TCF7L2: variants seen among roughly 807,000 people sequenced by gnomAD.
TCF7L2 encodes the protein transcription factor 7-like 2.
Under a neutral mutation model 77.9 loss-of-function variants are expected in TCF7L2, and 23 were observed. The observed-to-expected ratio is 0.30, with a 90% CI of 0.21 to 0.42. The LOEUF (loss-of-function observed/expected upper bound fraction) is 0.42. Ranked by LOEUF, TCF7L2 falls within the 10% of genes least tolerant of loss-of-function variation. The probability of loss-of-function intolerance (pLI) is 1.00; values close to 1 mark genes in which losing one functional copy is unlikely to be tolerated. For missense variants in TCF7L2, 654 were observed against 793.1 expected (o/e 0.82, Z 2.11); for synonymous variants, 413 against 340.2 (o/e 1.21, Z -2.36).
chr10:113,095,424 A>G (rs1004675369), intron 5 of TCF7L2, among the ~76,000 whole-genome samples: 4 of 152,226 alleles, frequency 2.6e-5, no homozygotes, highest in South Asian at 4.2e-4. Flanking sequence ...CTATCTGCCA[A>G]TATTTTTTTG....
chr10:113,081,014 C>T (rs2059268520), intron 5 of TCF7L2, among the ~76,000 whole-genome samples: 1 of 152,098 alleles, frequency 6.6e-6, no homozygotes, highest in Non-Finnish European at 1.5e-5. Context: ...CATTTTAAAA[C>T]ATTTGATTCC....
At chr10:113,161,483 C>A in intron 13 of TCF7L2, 1 of 1,361,984 alleles carries the variant, frequency 7.3e-7, no homozygotes, top group Non-Finnish European at 1.0e-6. Flanking sequence ...GTACTTCCTT[C>A]TTGGTGGAGG....
intron 5 of TCF7L2, among the ~76,000 whole-genome samples, chr10:113,092,212 C>T (rs1399670811): frequency 6.6e-6 from 1 of 152,194 alleles, no homozygotes; most frequent in Non-Finnish European, 1.5e-5. Flanking sequence ...GTCCTCAGAA[C>T]CCAGAAGCAT....
intron 4 of TCF7L2, among the ~76,000 whole-genome samples, chr10:112,998,672 A>G (rs779074039): frequency 6.6e-6 from 1 of 152,176 alleles, no homozygotes; most frequent in Non-Finnish European, 1.5e-5. Context: ...TAACTTAGTC[A>G]ATGTCAGATA....
chr10:113,057,831 GCT>G, intron 5 of TCF7L2, among the ~76,000 whole-genome samples: 2 of 152,258 alleles, frequency 1.3e-5, no homozygotes, highest in Admixed American at 6.5e-5. Context: ...TATTTTCTGT[GCT>G]CTCTGTCGGC....
chr10:113,036,111 AT>A (rs1192845673), intron 4 of TCF7L2, among the ~76,000 whole-genome samples: 27 of 111,990 alleles, frequency 2.4e-4, no homozygotes, highest in East Asian at 1.4e-3. Context: ...CATCATCATC[AT>A]CACCATCATC....
intron 4 of TCF7L2, among the ~76,000 whole-genome samples, chr10:112,993,666 C>T (rs747751414): frequency 5.3e-5 from 8 of 152,174 alleles, no homozygotes; most frequent in Non-Finnish European, 8.8e-5. Context: ...CAGTGTTGGA[C>T]GATGAATCCC....
chr10:113,144,217 G>A (rs541312210), intron 7 of TCF7L2, among the ~76,000 whole-genome samples, 192 bp downstream of exon 7: 1 of 152,010 alleles, frequency 6.6e-6, no homozygotes, highest in African/African-American at 2.4e-5. Flanking sequence ...TGTCCTGTGG[G>A]AATACAGGCA....
At chr10:112,967,161 T>A (rs956381838) in intron 4 of TCF7L2, among the ~76,000 whole-genome samples, 4 of 152,240 alleles carry the variant, frequency 2.6e-5, no homozygotes, top group Non-Finnish European at 4.4e-5. Flanking sequence ...GGATGTGGCA[T>A]AGAGCAGATA....
At chr10:113,011,417 C>A (rs2046427327) in intron 4 of TCF7L2, among the ~76,000 whole-genome samples, 1 of 152,104 alleles carries the variant, frequency 6.6e-6, no homozygotes, top group Non-Finnish European at 1.5e-5. Flanking sequence ...GCTAATGAGG[C>A]CTCAAATTCT....
chr10:113,102,267 G>A (rs2061748220), intron 5 of TCF7L2, among the ~76,000 whole-genome samples: 1 of 151,992 alleles, frequency 6.6e-6, no homozygotes, highest in Non-Finnish European at 1.5e-5. Flanking sequence ...GAATGACCAT[G>A]TGCAACTCAC....
chr10:113,085,581 G>T (rs549962829), intron 5 of TCF7L2, among the ~76,000 whole-genome samples: 1 of 152,180 alleles, frequency 6.6e-6, no homozygotes, highest in Non-Finnish European at 1.5e-5. Context: ...GGGGCAGTAA[G>T]CTCATAAAGA....
chr10:113,102,434 T>G (rs1489627401), intron 5 of TCF7L2, among the ~76,000 whole-genome samples: 3 of 151,588 alleles, frequency 2.0e-5, no homozygotes, highest in African/African-American at 7.3e-5. Flanking sequence ...TTTGTTTTTT[T>G]TTTTTTTTGA....
At chr10:113,077,487 C>T (rs1455615042) in intron 5 of TCF7L2, among the ~76,000 whole-genome samples, 1 of 152,132 alleles carries the variant, frequency 6.6e-6, no homozygotes, top group African/African-American at 2.4e-5. Flanking sequence ...CTCTCACTCC[C>T]CATTTCCCCC....
intron 4 of TCF7L2, among the ~76,000 whole-genome samples, chr10:112,975,392 C>T (rs1333661972): frequency 6.6e-6 from 1 of 152,176 alleles, no homozygotes; most frequent in Non-Finnish European, 1.5e-5. Context: ...GACTTCTCAG[C>T]CTCAGCACTG....
chr10:113,109,045 G>A (rs1054502047), intron 5 of TCF7L2, among the ~76,000 whole-genome samples: 2 of 152,114 alleles, frequency 1.3e-5, no homozygotes, highest in African/African-American at 4.8e-5. Context: ...AATCCCTGCC[G>A]ACAGTGTGTA....
At chr10:113,063,801 G>C (rs758339150) in intron 5 of TCF7L2, among the ~76,000 whole-genome samples, 1 of 152,120 alleles carries the variant, frequency 6.6e-6, no homozygotes. Flanking sequence ...GGAAGGTCCC[G>C]AGAGATCTGG....
intron 5 of TCF7L2, among the ~76,000 whole-genome samples, chr10:113,075,476 A>AAAAG (rs2058594328): frequency 1.0e-5 from 1 of 95,518 alleles, no homozygotes; most frequent in African/African-American, 4.0e-5. Flanking sequence ...AAAAAGAAAA[A>AAAAG]AGAAAAAAAG....
In TCF7L2 at chr10:113,147,553, C is replaced by T. The variant is rs573580915; in HGVS notation, c.875+1456C>T. ...TCTCTGGCCTAGAGAGAAGAGGAGG[C>T]GTAACACTTATTAAATAGTGTCATC... is the stretch of plus-strand genomic sequence containing the variant. On this transcript the variant is annotated intron_variant, in intron 8 of 13. Transcript: ENST00000627217. Among the ~76,000 whole-genome samples, 34 of 152,208 alleles carry T rather than the reference C, an allele frequency of 2.2e-4. No homozygotes were observed. The South Asian group carries it at 5.4e-3, about 24-fold the overall frequency.
Sources: gnomAD v4.1 joint callset for allele counts (sites outside exome capture counted in the v4.1 genomes callset) on GRCh38, gnomAD v4.1.1 for gene constraint, MANE v1.5 for transcripts, NCBI Gene and HGNC (gene_info 2026-07-23, HGNC 2026-07-21) for gene names.